The following DEGS2 variants were observed in gnomAD, a reference collection of about 807,000 sequenced individuals.
DEGS2 encodes the protein sphingolipid delta(4)-desaturase/C4-monooxygenase DES2.
In DEGS2, 19 loss-of-function variants were observed where a neutral mutation model predicts 23.8. The observed-to-expected ratio is 0.80, with a 90% CI of 0.56 to 1.17. The LOEUF is 1.17. Ranked by LOEUF, DEGS2 falls within the 50% of genes most tolerant of loss-of-function variation. DEGS2 has a pLI of 0.00. For synonymous variants in DEGS2, 218 were observed against 213.7 expected, an observed-to-expected ratio of 1.02 and a Z score of -0.18; for missense variants, 390 against 459.5, an observed-to-expected ratio of 0.85 and a Z score of 1.38.
At position 100,144,470 on chromosome 14, in the gene DEGS2, C is replaced by A. The variant is rs192973637; in HGVS notation, c.*2291G>T. 6.6e-6 allele frequency: 1 copy of A among 152,342 alleles called. No individual in the cohort carries two copies. The highest frequency in any genetic ancestry group is 2.4e-5 in the African/African-American group (1 of 41,462). 9.4% of individuals were successfully genotyped at this position (152,342 alleles called of 1,614,324 possible). A position where few individuals can be genotyped will look rare whatever the true frequency, so the allele number is the denominator to read the frequency against. On this transcript the variant is annotated 3_prime_UTR_variant, in exon 3 of 3. Transcript: ENST00000305631. ...CCTACGGGATCTCCAGGAAGATGGT[C>A]CCTCAAGTGCAACCCACACCCCCGA...
chr14:100,157,299 AGG>A (rs1254710538), intron 1 of DEGS2, among the ~76,000 whole-genome samples: 1 of 152,242 alleles, frequency 6.6e-6, no homozygotes, highest in African/African-American at 2.4e-5. Flanking sequence ...ATGAGCTCCT[AGG>A]GACCAGGACA....
At chr14:100,149,910 C>CAT (rs1889537680) in intron 1 of DEGS2, among the ~76,000 whole-genome samples, 200 bp from the exon 2 acceptor site, 1 of 152,268 alleles carries the variant, frequency 6.6e-6, no homozygotes, top group Non-Finnish European at 1.5e-5. Context: ...CCACCAGACT[C>CAT]AGAGGGCAGG....
chr14:100,165,869 CAA>C, the DEGS2 span, among the ~76,000 whole-genome samples: 1 of 127,398 alleles, frequency 7.8e-6, no homozygotes, highest in Non-Finnish European at 1.7e-5. Context: ...GAGACTGCAT[CAA>C]AGAGTAGGGG....
chr14:100,161,898 C>T (rs777665518), upstream of DEGS2, among the ~76,000 whole-genome samples: 7 of 151,398 alleles, frequency 4.6e-5, no homozygotes, highest in South Asian at 2.1e-4. Context: ...AGTGAAATCC[C>T]GTCTCTACTA....
rs569282099 is a variant in DEGS2, at chr14:100,146,365, C to G, written c.*396G>C. The G allele has an allele frequency of 3.8e-5, 7 of 184,740 alleles. No homozygotes were observed. The highest frequency in any genetic ancestry group is 5.6e-5 in the Non-Finnish European group (5 of 89,658). The allele number at this position is 184,740 out of a possible 1,614,324, so 11.4% of individuals were successfully genotyped here. A position where few individuals can be genotyped will look rare whatever the true frequency, so the allele number is the denominator to read the frequency against. ...CATCGGGGCGGCCCAGCGCCCCATT[C>G]CCTGGGGCCAGGCTCAAGCCCAGAC... On this transcript the variant is annotated 3_prime_UTR_variant, in exon 3 of 3. Transcript: ENST00000305631.
chr14:100,148,831 G>T, intron 2 of DEGS2, 137 bp downstream of exon 2: 1 of 1,032,296 alleles, frequency 9.7e-7, no homozygotes. Flanking sequence ...CTGGGGACAA[G>T]TGCAAGTGGC....
rs933289503 is a variant in DEGS2, at chr14:100,148,827, A to C, written c.825+141T>G. The C allele has an allele frequency of 6.1e-6, 6 of 982,506 alleles. No homozygotes were observed. The African/African-American group carries it at 9.8e-5, about 16-fold the overall frequency. 60.9% of individuals were successfully genotyped at this position (982,506 alleles called of 1,614,324 possible). A position where few individuals can be genotyped will look rare whatever the true frequency, so the allele number is the denominator to read the frequency against. On this transcript the variant is annotated intron_variant, in intron 2 of 2. Transcript: ENST00000305631. ...TGTGGCCTTTCCTCCTGCCCTGGGG[A>C]CAAGTGCAAGTGGCCATGCCATGAC... is the stretch of plus-strand genomic sequence containing the variant.
intron 2 of DEGS2, 49 bp from the exon 3 acceptor site, chr14:100,146,956 A>C (rs1202034831): frequency 1.3e-6 from 2 of 1,580,920 alleles, no homozygotes; most frequent in Non-Finnish European, 8.6e-7. Context: ...TCGGGGCCGC[A>C]CCCGCGAGCA....
chr14:100,149,577 C>T lies in DEGS2; in HGVS notation c.216G>A (p.Trp72Ter). 6.2e-7 allele frequency: 1 copy of T among 1,609,142 alleles called. No individual in the cohort carries two copies. The highest frequency in any genetic ancestry group is 8.5e-7 in the Non-Finnish European group (1 of 1,178,950). ...RGLAWRWLLFWAYAFGGCVNH... is the reference protein window; with the variant it reads ...RGLAWRWLLF ...TCACGCAGCCACCAAAGGCGTAGGC[C>T]CAGAACAGCAGCCAGCGCCAGGCCA... Residue 72 changes from tryptophan (W) to a stop codon, truncating the protein, a stop_gained, in exon 2 of 3, where the codon TGG (tryptophan) becomes TGA (stop). Coordinates refer to ENST00000305631, the MANE Select transcript of DEGS2 (RefSeq NM_206918.3). LOFTEE classifies it high-confidence loss of function.
chr14:100,166,606 A>T, the DEGS2 span, among the ~76,000 whole-genome samples: 1 of 152,066 alleles, frequency 6.6e-6, no homozygotes, highest in African/African-American at 2.4e-5. Context: ...CGAGCTTACC[A>T]GGGGGCCGCG....
chr14:100,163,533 G>T (rs1318247317), upstream of DEGS2, among the ~76,000 whole-genome samples: 8 of 152,158 alleles, frequency 5.3e-5, no homozygotes, highest in South Asian at 1.4e-3. Context: ...ACAGTTTCAG[G>T]ATCCAAGCGG....
intron 1 of DEGS2, among the ~76,000 whole-genome samples, chr14:100,153,574 C>T (rs1021681813): frequency 6.6e-6 from 1 of 152,196 alleles, no homozygotes; most frequent in African/African-American, 2.4e-5. Context: ...TCTGGCTAGA[C>T]ACCCAAACCT....
chr14:100,148,941 C>T (rs199737277), intron 2 of DEGS2, 27 bp downstream of exon 2: 64 of 1,602,992 alleles, frequency 4.0e-5, no homozygotes, highest in Admixed American at 2.2e-4. Context: ...CCTGCCCCGC[C>T]GCAGCCCTGC....
At chr14:100,153,330 G>A (rs1344453673) in intron 1 of DEGS2, among the ~76,000 whole-genome samples, 1 of 152,164 alleles carries the variant, frequency 6.6e-6, no homozygotes, top group Non-Finnish European at 1.5e-5. Flanking sequence ...TAGATACATA[G>A]ATCCTATCAG....
upstream of DEGS2, among the ~76,000 whole-genome samples, chr14:100,163,028 C>T (rs887881233): frequency 9.2e-5 from 14 of 152,298 alleles, no homozygotes; most frequent in Admixed American, 6.5e-4. Flanking sequence ...AAAGGGCAAC[C>T]GACCCAAGAA....
chr14:100,144,102 G>A lies in DEGS2; in HGVS notation c.*2659C>T, dbSNP rs536268869. On this transcript the variant is annotated 3_prime_UTR_variant, in exon 3 of 3. Transcript: ENST00000305631. Reference sequence around the variant, plus strand: ...AGCGCCTCAGCTGGCGGTGACAGCCGGCCCAGCGTGGCGCCACCACACACC... The same window carrying A: ...AGCGCCTCAGCTGGCGGTGACAGCCAGCCCAGCGTGGCGCCACCACACACC... 388 of 327,398 alleles carry A rather than the reference G, an allele frequency of 1.2e-3. No homozygotes were observed. The highest frequency in any genetic ancestry group is 1.8e-3 in the Non-Finnish European group (311 of 174,858). 20.3% of individuals were successfully genotyped at this position (327,398 alleles called of 1,614,324 possible). A position where few individuals can be genotyped will look rare whatever the true frequency, so the allele number is the denominator to read the frequency against.
In DEGS2 at chr14:100,149,639, G is replaced by A. The variant is rs1264789961; in HGVS notation, c.154C>T (p.Leu52=). The A allele has an allele frequency of 6.2e-7, 1 of 1,611,878 alleles. No individual in the cohort carries two copies. Among genetic ancestry groups the A allele is most frequent in the Non-Finnish European group, 8.5e-7 (1 of 1,179,532 alleles). The part of the protein sequence containing the change: ...RLKWAVLVLV[L]VQMLACWLVR... ...AGCCAGCAGGCCAGCATCTGCACCA[G>A]CACCAGCACCAGCACCGCCCACTTG... The change falls in exon 2 of 3, where the codon CTG becomes TTG. Residue 52 remains leucine, a synonymous_variant. Coordinates refer to ENST00000305631, the MANE Select transcript of DEGS2 (RefSeq NM_206918.3).
the DEGS2 span, among the ~76,000 whole-genome samples, chr14:100,166,198 GTA>G: frequency 9.5e-6 from 1 of 105,162 alleles, no homozygotes; most frequent in African/African-American, 3.4e-5. Flanking sequence ...GGCAGTCGGG[GTA>G]ACCTCTCTGG....
At position 100,145,671 on chromosome 14, in the gene DEGS2, C is replaced by A. The variant is rs1595272073; in HGVS notation, c.*1090G>T. The A allele has an allele frequency of 7.0e-6, 1 of 142,652 alleles. No homozygotes were observed. Among genetic ancestry groups the A allele is most frequent in the Non-Finnish European group, 1.5e-5 (1 of 66,220 alleles). The allele number at this position is 142,652 out of a possible 1,614,324, so 8.8% of individuals were successfully genotyped here. On this transcript the variant is annotated 3_prime_UTR_variant, in exon 3 of 3. Transcript: ENST00000305631. Reference sequence around the variant, plus strand: ...GTGGGCCCGCTCCATCCCTCTCTGGCAGGGAGGGCCTCCTCGCTCAGGCAC... The same window carrying A: ...GTGGGCCCGCTCCATCCCTCTCTGGAAGGGAGGGCCTCCTCGCTCAGGCAC...
Sources: gnomAD v4.1 joint callset for allele counts (sites outside exome capture counted in the v4.1 genomes callset) on GRCh38, gnomAD v4.1.1 for gene constraint, MANE v1.5 for transcripts, NCBI Gene and HGNC (gene_info 2026-07-23, HGNC 2026-07-21) for gene names.